PRKN: variants seen among roughly 807,000 people sequenced by gnomAD.
The protein encoded by PRKN is E3 ubiquitin-protein ligase parkin.
PRKN carries 56 observed loss-of-function variants against 59.5 expected under a neutral mutation model. That is an observed-to-expected ratio of 0.94 (90% CI 0.76 to 1.18). PRKN has a LOEUF of 1.18. PRKN is among the 50% of genes most tolerant of loss of function. The pLI, the probability that PRKN is intolerant of heterozygous loss-of-function variation, is 0.00. For synonymous variants in PRKN, 250 were observed against 222.1 expected, an observed-to-expected ratio of 1.13 and a Z score of -1.12; for missense variants, 657 against 596.4, an observed-to-expected ratio of 1.10 and a Z score of -1.06.
chr6:161,957,409 G>GTTTTTTTTTTTTTTTT (rs1203607451), intron 6 of PRKN, among the ~76,000 whole-genome samples: 1 of 127,394 alleles, frequency 7.8e-6, no homozygotes, highest in African/African-American at 3.1e-5. Context: ...TGTTCTTGTT[G>GTTTTTTTTTTTTTTTT]TTTTTTTTTT....
In PRKN at chr6:161,518,427, C is replaced by A. The variant is rs955313601; in HGVS notation, c.1083+30427G>T. On this transcript the variant is annotated intron_variant, in intron 9 of 11. Transcript: ENST00000366898. This position sits in a 1 kb window ranked among gnomAD's most constrained non-coding sequence, Gnocchi z 5.0. ...TGGTGGGCGCCTGTAGTCCCAGCTA[C>A]TTGGGAGGCTGGGCAGCAGCCTGGG... Among the ~76,000 whole-genome samples the A allele has an allele frequency of 1.3e-5, 2 of 152,230 alleles. No individual in the cohort carries two copies. The highest frequency in any genetic ancestry group is 4.8e-5 in the African/African-American group (2 of 41,464).
chr6:162,341,694 G>A (rs1470870297), intron 2 of PRKN, among the ~76,000 whole-genome samples: 2 of 152,050 alleles, frequency 1.3e-5, no homozygotes, highest in South Asian at 2.1e-4. Context: ...ACTCATAAGT[G>A]GGAGTTGAAA....
intron 2 of PRKN, among the ~76,000 whole-genome samples, chr6:162,331,721 C>T (rs1045959947): frequency 3.3e-5 from 5 of 152,144 alleles, no homozygotes; most frequent in Admixed American, 1.3e-4. Context: ...GATCTAGACC[C>T]TGCCTTTTCT....
intron 6 of PRKN, among the ~76,000 whole-genome samples, chr6:161,899,038 G>T (rs983952083): frequency 2.0e-5 from 3 of 152,232 alleles, no homozygotes; most frequent in African/African-American, 7.2e-5. Context: ...CTTACTTGAG[G>T]TTGGCAGCTG....
rs1780663373 is a variant in PRKN at position 161,566,924 on chromosome 6, T to C, written c.933+2431A>G. Among the ~76,000 whole-genome samples the C allele has an allele frequency of 2.6e-5, 4 of 152,252 alleles. No individual in the cohort carries two copies. In the South Asian group the frequency reaches 8.3e-4, roughly 32 times the overall value. On this transcript the variant is annotated intron_variant, in intron 8 of 11. Coordinates refer to ENST00000366898, the MANE Select transcript of PRKN (RefSeq NM_004562.3). This position sits in a 1 kb window ranked among gnomAD's most constrained non-coding sequence, Gnocchi z 4.1. ...GATGTCACCATGAGGCTTCTCTGGA[T>C]ACCTTTCAGTCTTTATTCACCTGTC... is the stretch of plus-strand genomic sequence containing the variant.
intron 7 of PRKN, among the ~76,000 whole-genome samples, chr6:161,776,740 G>A (rs960795780): frequency 6.6e-6 from 1 of 152,190 alleles, no homozygotes; most frequent in Non-Finnish European, 1.5e-5. Context: ...AGCCTAGGGA[G>A]AGGCAGGGCA....
intron 7 of PRKN, among the ~76,000 whole-genome samples, chr6:161,749,073 G>C (rs562233776): frequency 6.6e-6 from 1 of 152,166 alleles, no homozygotes; most frequent in Non-Finnish European, 1.5e-5. Context: ...TTGGTGAACA[G>C]ATGACTCTCT....
At chr6:162,021,140 ATATATATATATATATATATATATAT>A (rs1254679755) in intron 5 of PRKN, among the ~76,000 whole-genome samples, 10,373 of 51,132 alleles carry the variant, frequency 0.2, 1,572 homozygotes, top group Middle Eastern at 0.3. Flanking sequence ...ATATATATAT[ATATATATATATATATATATATATAT>A]AAAATATATG....
intron 6 of PRKN, among the ~76,000 whole-genome samples, chr6:161,925,543 G>A (rs866791397): frequency 3.3e-5 from 5 of 152,128 alleles, no homozygotes; most frequent in Non-Finnish European, 5.9e-5. Context: ...TGCACTCCAC[G>A]CTGGGCGATA....
Position 161,372,051 on chromosome 6 carries a change from A to G in PRKN, c.1168-11846T>C, listed in dbSNP as rs1388673298. Among the ~76,000 whole-genome samples the G allele has an allele frequency of 6.6e-6, 1 of 152,234 alleles. No homozygotes were observed. Among genetic ancestry groups the G allele is most frequent in the East Asian group, 1.9e-4 (1 of 5,200 alleles). On this transcript the variant is annotated intron_variant, in intron 10 of 11. Transcript: ENST00000366898. The surrounding 1 kb of genome is among the most constrained non-coding windows in gnomAD (Gnocchi z 4.2). ...AGAGTCTTGCCCCATGGGGCCCTAAATGCTTCCTAAAGGGGAAGTGAATTA... is the reference window on the plus strand; with the variant it reads ...AGAGTCTTGCCCCATGGGGCCCTAAGTGCTTCCTAAAGGGGAAGTGAATTA...
chr6:162,088,083 C>T (rs758421098), intron 4 of PRKN, among the ~76,000 whole-genome samples: 2 of 152,112 alleles, frequency 1.3e-5, no homozygotes, highest in Admixed American at 6.6e-5. Flanking sequence ...AACCCTGTCC[C>T]ACATCAATGA....
intron 2 of PRKN, among the ~76,000 whole-genome samples, chr6:162,442,244 G>A (rs1456630960): frequency 6.6e-6 from 1 of 152,186 alleles, no homozygotes; most frequent in Admixed American, 6.5e-5. Flanking sequence ...GACAGGGAAA[G>A]GATGCAGATA....
chr6:162,234,686 A>G (rs1217366680), intron 3 of PRKN, among the ~76,000 whole-genome samples: 1 of 152,140 alleles, frequency 6.6e-6, no homozygotes, highest in East Asian at 1.9e-4. Flanking sequence ...TTTTATATTT[A>G]TTGTTATTTT....
At chr6:162,686,184 A>G (rs1050778152) in intron 1 of PRKN, among the ~76,000 whole-genome samples, 8 of 152,206 alleles carry the variant, frequency 5.3e-5, no homozygotes, top group Non-Finnish European at 7.3e-5. Context: ...ATGAAAAACT[A>G]TATTTTAAGT....
chr6:162,355,250 AATT>A (rs1784801489), intron 2 of PRKN, among the ~76,000 whole-genome samples: 1 of 151,046 alleles, frequency 6.6e-6, no homozygotes, highest in African/African-American at 2.5e-5. Flanking sequence ...TCTAAAACAT[AATT>A]ATGTTTTAGA....
chr6:161,861,707 C>T (rs1413835296), intron 6 of PRKN, among the ~76,000 whole-genome samples: 2 of 151,702 alleles, frequency 1.3e-5, no homozygotes, highest in Non-Finnish European at 1.5e-5. Flanking sequence ...ACCAACTGTC[C>T]CTTGAAATGT....
chr6:162,367,047 C>T (rs1207303764), intron 2 of PRKN, among the ~76,000 whole-genome samples: 5 of 152,116 alleles, frequency 3.3e-5, no homozygotes, highest in Admixed American at 6.6e-5. Context: ...CCATGTGTTA[C>T]GGGAGGGACC....
intron 5 of PRKN, among the ~76,000 whole-genome samples, chr6:162,035,718 A>G (rs573843552): frequency 6.6e-6 from 1 of 152,308 alleles, no homozygotes; most frequent in Admixed American, 6.5e-5. Context: ...GAATGAGCAG[A>G]GGAATGGAAT....
At position 161,468,065 on chromosome 6, in the gene PRKN, C is replaced by T. The variant is rs1275821027; in HGVS notation, c.1083+80789G>A. Among the ~76,000 whole-genome samples, 8 of 152,076 alleles carry T rather than the reference C, an allele frequency of 5.3e-5. No individual in the cohort carries two copies. The highest frequency in any genetic ancestry group is 1.4e-4 in the African/African-American group (6 of 41,418). The stretch of plus-strand genomic sequence containing the variant: ...TCAGCTCACTGCAACCTCTGCCTTC[C>T]GGGTTCAAGCAATTTTCCTGCCTCA... On this transcript the variant is annotated intron_variant, in intron 9 of 11. Transcript: ENST00000366898. The surrounding 1 kb of genome is among the most constrained non-coding windows in gnomAD (Gnocchi z 5.9).
Sources: allele counts gnomAD v4.1 joint callset (sites outside exome capture counted in the v4.1 genomes callset), GRCh38; gene constraint gnomAD v4.1.1; non-coding constraint Gnocchi (gnomAD v3.1); transcripts MANE v1.5; gene names NCBI Gene and HGNC (gene_info 2026-07-23, HGNC 2026-07-21).